The following ZBTB46 variants were observed in gnomAD, a reference collection of about 807,000 sequenced individuals.
ZBTB46 encodes zinc finger and BTB domain containing 46, also known as zinc finger and BTB domain-containing protein 46.
ZBTB46 carries 8 observed loss-of-function variants against 44.1 expected under a neutral mutation model. That is an observed-to-expected ratio of 0.18 (90% CI 0.11 to 0.33). ZBTB46 has a LOEUF of 0.33. Among genes scored for constraint, ZBTB46 ranks in the 10% least tolerant of loss-of-function variants. The pLI is 1.00. For synonymous variants in ZBTB46, 409 were observed against 382.3 expected (o/e 1.07, Z -0.81); for missense variants, 651 against 847.7 (o/e 0.77, Z 2.88).
At chr20:63,764,802 A>G (rs1341980677) in intron 3 of ZBTB46, among the ~76,000 whole-genome samples, 1 of 151,800 alleles carries the variant, frequency 6.6e-6, no homozygotes, top group African/African-American at 2.4e-5. Flanking sequence ...GGGTTTCTCC[A>G]TGTTGAGGCT....
At chr20:63,804,311 G>T (rs1192290018) in intron 1 of ZBTB46, among the ~76,000 whole-genome samples, 1 of 152,174 alleles carries the variant, frequency 6.6e-6, no homozygotes, top group Non-Finnish European at 1.5e-5. Flanking sequence ...CCCAGGAGGG[G>T]GCCGGGGCAG....
chr20:63,832,606 C>G (rs1387631833), upstream of ZBTB46, among the ~76,000 whole-genome samples: 1 of 152,210 alleles, frequency 6.6e-6, no homozygotes, highest in Admixed American at 6.5e-5. The surrounding 1 kb of genome is among the most constrained non-coding windows in gnomAD (Gnocchi z 5.0). Flanking sequence ...CTGGGACACT[C>G]CCTTACTGCC....
At chr20:63,826,518 C>T (rs1020777056) in intron 1 of ZBTB46, among the ~76,000 whole-genome samples, 11 of 150,796 alleles carry the variant, frequency 7.3e-5, no homozygotes, top group South Asian at 2.1e-4. Flanking sequence ...GTCAGGAGAT[C>T]GAGACCATCC....
intron 1 of ZBTB46, among the ~76,000 whole-genome samples, chr20:63,799,464 A>C (rs578108878): frequency 6.6e-6 from 1 of 152,008 alleles, no homozygotes; most frequent in Admixed American, 6.5e-5. Context: ...CTTGTACCTC[A>C]GCCTCCCAGG....
intron 1 of ZBTB46, among the ~76,000 whole-genome samples, chr20:63,822,338 G>A (rs760380296): frequency 1.1e-4 from 17 of 152,176 alleles, no homozygotes; most frequent in African/African-American, 3.1e-4. Flanking sequence ...TGGGGGAGAC[G>A]GGCACTTTTG....
intron 1 of ZBTB46, among the ~76,000 whole-genome samples, chr20:63,800,522 A>C (rs1031423752): frequency 2.6e-5 from 4 of 152,228 alleles, no homozygotes; most frequent in Admixed American, 1.3e-4. Context: ...GGGATGGCCA[A>C]GGCCGGAGCC....
Position 63,752,690 on chromosome 20 carries a change from G to A in ZBTB46, c.1394C>T (p.Thr465Met). The change falls in exon 4 of 5, where the codon ACG (threonine) becomes ATG (methionine). Residue 465 changes from threonine to methionine, a missense_variant. Coordinates refer to ENST00000245663, the MANE Select transcript of ZBTB46 (RefSeq NM_001369741.1). This position sits in a 1 kb window ranked among gnomAD's most constrained non-coding sequence, Gnocchi z 5.6. ...FTRREHMKRH[T>M]LVHSKDKKYV... ...GCGGACCCTCCCCGCACTCACCAGC[G>A]TGTGGCGCTTCATGTGCTCGCGCCG... The A allele has an allele frequency of 6.3e-7, 1 of 1,583,842 alleles. No homozygotes were observed. The highest frequency in any genetic ancestry group is 8.6e-7 in the Non-Finnish European group (1 of 1,165,980).
At chr20:63,809,555 C>T (rs779726633) in intron 1 of ZBTB46, among the ~76,000 whole-genome samples, 1 of 152,222 alleles carries the variant, frequency 6.6e-6, no homozygotes, top group Non-Finnish European at 1.5e-5. Flanking sequence ...TTCCTCTCCC[C>T]TCTTCTCCCT....
intron 1 of ZBTB46, among the ~76,000 whole-genome samples, chr20:63,800,648 C>T (rs1166534032): frequency 6.6e-6 from 1 of 152,234 alleles, no homozygotes; most frequent in South Asian, 2.1e-4. Flanking sequence ...GGCGGCCCCA[C>T]ACTCGGAGCG....
chr20:63,778,514 C>T (rs1442997549), intron 2 of ZBTB46, among the ~76,000 whole-genome samples: 1 of 152,220 alleles, frequency 6.6e-6, no homozygotes, highest in Non-Finnish European at 1.5e-5. Flanking sequence ...TCTGCAAACA[C>T]CCCTGGAACA....
chr20:63,746,817 G>C lies in ZBTB46; in HGVS notation c.*113C>G. ...TGGGGGGTGGGTTCAGGGGGAAGCA[G>C]AGGAGGGGCCGCGAGAGGGGTGAGC... On this transcript the variant is annotated 3_prime_UTR_variant, in exon 5 of 5. Transcript: ENST00000245663. 1 of 1,401,492 alleles carries C rather than the reference G, an allele frequency of 7.1e-7. No individual in the cohort carries two copies. The highest frequency in any genetic ancestry group is 9.3e-7 in the Non-Finnish European group (1 of 1,077,646). The allele number at this position is 1,401,492 out of a possible 1,614,324, so 86.8% of individuals were successfully genotyped here.
At chr20:63,751,778 T>G (rs2092167998) in intron 4 of ZBTB46, among the ~76,000 whole-genome samples, 1 of 85,026 alleles carries the variant, frequency 1.2e-5, no homozygotes, top group Non-Finnish European at 2.3e-5. Context: ...CCCCGGTGGG[T>G]CTCCCCATGA....
intron 1 of ZBTB46, among the ~76,000 whole-genome samples, chr20:63,826,768 G>A (rs530492959): frequency 3.3e-5 from 5 of 152,180 alleles, no homozygotes; most frequent in East Asian, 1.9e-4. Flanking sequence ...AAAAGACAGC[G>A]AGTGTCCTTG....
intron 1 of ZBTB46, among the ~76,000 whole-genome samples, chr20:63,816,118 G>A (rs1328209161): frequency 4.3e-5 from 6 of 140,320 alleles, no homozygotes; most frequent in African/African-American, 8.1e-5. Flanking sequence ...TGCAGTGGGC[G>A]CAGGTGGGCG....
At chr20:63,747,527 C>T (rs1430756075) in intron 4 of ZBTB46, among the ~76,000 whole-genome samples, 1 of 36,816 alleles carries the variant, frequency 2.7e-5, no homozygotes, top group East Asian at 7.4e-4. Context: ...GTGAGCAGGG[C>T]CTGGTGGGTG....
chr20:63,776,410 T>G (rs2092426161), intron 2 of ZBTB46, among the ~76,000 whole-genome samples: 1 of 152,212 alleles, frequency 6.6e-6, no homozygotes, highest in Non-Finnish European at 1.5e-5. Context: ...ATCCGCATGA[T>G]CTCAGATTTG....
chr20:63,827,930 A>C (rs1179460372), intron 1 of ZBTB46, among the ~76,000 whole-genome samples: 1 of 152,124 alleles, frequency 6.6e-6, no homozygotes, highest in East Asian at 1.9e-4. Context: ...ACTTAATTTT[A>C]TTGTTTTAGA....
intron 1 of ZBTB46, among the ~76,000 whole-genome samples, chr20:63,826,559 T>TAA (rs72142838): frequency 0.1 from 14,063 of 139,282 alleles, 1,100 homozygotes; most frequent in African/African-American, 0.22. Flanking sequence ...CATCTCTACT[T>TAA]AAAAAAAAAA....
chr20:63,785,134 A>G (rs2092502762), intron 2 of ZBTB46, among the ~76,000 whole-genome samples: 4 of 147,054 alleles, frequency 2.7e-5, no homozygotes, highest in Non-Finnish European at 6.0e-5. Flanking sequence ...CGGGAGGCTG[A>G]GGCAGGAGAA....
Sources: gnomAD v4.1 joint callset for allele counts (sites outside exome capture counted in the v4.1 genomes callset) on GRCh38, gnomAD v4.1.1 for gene constraint, Gnocchi (gnomAD v3.1) non-coding constraint, MANE v1.5 for transcripts, NCBI Gene and HGNC (gene_info 2026-07-23, HGNC 2026-07-21) for gene names.